The following ATP8B4 variants were observed in gnomAD, a reference collection of about 807,000 sequenced individuals.
ATP8B4 encodes the protein probable phospholipid-transporting ATPase IM.
In ATP8B4, 133 loss-of-function variants were observed where a neutral mutation model predicts 145.6. The observed-to-expected ratio is 0.91, with a 90% CI of 0.79 to 1.05. ATP8B4 has a LOEUF of 1.05. ATP8B4 is among the 50% of genes least tolerant of loss of function. The pLI, the probability that ATP8B4 is intolerant of heterozygous loss-of-function variation, is 0.00. For synonymous variants in ATP8B4, 507 were observed against 492.9 expected, an observed-to-expected ratio of 1.03 and a Z score of -0.38; for missense variants, 1,458 against 1,425.2, an observed-to-expected ratio of 1.02 and a Z score of -0.37.
Position 50,047,387 on chromosome 15 carries a change from C to T in ATP8B4, c.165G>A (p.Val55=). 1 of 1,594,866 alleles carries T rather than the reference C, an allele frequency of 6.3e-7. No homozygotes were observed. Residue 55 remains valine (V), a synonymous_variant, in exon 4 of 28, where the codon GTG becomes GTA. Coordinates refer to ENST00000284509, the MANE Select transcript of ATP8B4 (RefSeq NM_024837.4). ...PINLFEQFQR[V]ANAYFLCLLI... is the part of the protein sequence containing the mutation. ...GAAGGCAAAGAAAATAGGCATTTGCCACTCTTTGGAACTGTTCAAATAAAT... is the reference window on the plus strand; with the variant it reads ...GAAGGCAAAGAAAATAGGCATTTGCTACTCTTTGGAACTGTTCAAATAAAT...
chr15:50,007,747 G>A (rs532045768), intron 7 of ATP8B4, among the ~76,000 whole-genome samples: 1 of 152,226 alleles, frequency 6.6e-6, no homozygotes, highest in Admixed American at 6.5e-5. Flanking sequence ...GCCCCTGCCA[G>A]CTGATACCAG....
chr15:50,114,218 G>A (rs573132678), intron 1 of ATP8B4, among the ~76,000 whole-genome samples: 1 of 143,296 alleles, frequency 7.0e-6, no homozygotes, highest in African/African-American at 2.6e-5. Flanking sequence ...CATCACATGA[G>A]TAGTATACAC....
At chr15:49,988,348 A>C (rs1309829235) in intron 9 of ATP8B4, among the ~76,000 whole-genome samples, 4 of 152,200 alleles carry the variant, frequency 2.6e-5, no homozygotes, top group African/African-American at 7.2e-5. Flanking sequence ...ACAAAACATA[A>C]CTATTAGATT....
At chr15:50,102,854 A>T (rs556733476) in intron 2 of ATP8B4, among the ~76,000 whole-genome samples, 1 of 152,166 alleles carries the variant, frequency 6.6e-6, no homozygotes, top group Non-Finnish European at 1.5e-5. Flanking sequence ...ACAAAATACC[A>T]GCTAACCAAA....
intron 4 of ATP8B4, among the ~76,000 whole-genome samples, chr15:50,046,255 TTCTC>T (rs943631842): frequency 1.2e-4 from 18 of 151,988 alleles, no homozygotes; most frequent in African/African-American, 4.3e-4. Context: ...TTCATTCGTT[TTCTC>T]TCTCTCTCTT....
In ATP8B4 at chr15:50,093,917, T is replaced by G. The variant is rs558599637; in HGVS notation, c.28+13022A>C. Reference sequence around the variant, plus strand: ...GAGTCATCCCATAGTAACAAAAGATTGATCTTCCAGGACTATACAACAACT... The same window carrying G: ...GAGTCATCCCATAGTAACAAAAGATGGATCTTCCAGGACTATACAACAACT... On this transcript the variant is annotated intron_variant, in intron 2 of 27. Transcript: ENST00000284509. Among the ~76,000 whole-genome samples, 3 of 152,282 alleles carry G rather than the reference T, an allele frequency of 2.0e-5. No individual in the cohort carries two copies. In the South Asian group the frequency reaches 6.2e-4, roughly 32 times the overall value.
At position 50,010,925 on chromosome 15, in the gene ATP8B4, C is replaced by A; in HGVS notation, c.363-8G>T. ...CATTTTTCATTCTGCAGTCTAAAAA[C>A]AAAAATAAAATTAATTTTCTTCAAG... On this transcript the variant is annotated splice_region_variant and splice_polypyrimidine_tract_variant and intron_variant, in intron 6 of 27. Transcript: ENST00000284509. The A allele has an allele frequency of 1.3e-6, 2 of 1,518,806 alleles. No homozygotes were observed. Among genetic ancestry groups the A allele is most frequent in the Non-Finnish European group, 1.8e-6 (2 of 1,128,000 alleles). 94.1% of individuals were successfully genotyped at this position (1,518,806 alleles called of 1,614,324 possible).
chr15:49,960,633 G>A (rs1461668057), intron 14 of ATP8B4, among the ~76,000 whole-genome samples: 6 of 152,116 alleles, frequency 3.9e-5, no homozygotes, highest in Admixed American at 2.0e-4. Context: ...CTCAGTGATG[G>A]AGGAAAAAGT....
At chr15:49,961,903 A>T (rs1176579733) in intron 14 of ATP8B4, 74 bp downstream of exon 14, 5 of 1,306,724 alleles carry the variant, frequency 3.8e-6, no homozygotes, top group South Asian at 1.4e-5. Context: ...CAGGACACTA[A>T]AAGTTTATCA....
rs183568551 is a variant in ATP8B4 at position 50,016,594 on chromosome 15, C to G, written c.363-5677G>C. ...GCCACAGCCAAGACCACGGAGAGCT[C>G]TGGAGCTCTGGAGCTGGAACAGGCC... On this transcript the variant is annotated intron_variant, in intron 6 of 27. Transcript: ENST00000284509. 1.2e-3 allele frequency among the ~76,000 whole-genome samples: 188 copies of G among 152,176 alleles called. 2 individuals carry two copies. The East Asian group carries it at 0.022, about 18-fold the overall frequency.
chr15:49,965,343 CAA>C (rs952278168), intron 13 of ATP8B4, among the ~76,000 whole-genome samples: 4 of 152,182 alleles, frequency 2.6e-5, no homozygotes, highest in African/African-American at 9.7e-5. Flanking sequence ...CATCAGGGGA[CAA>C]AGGAAAAGTT....
intron 2 of ATP8B4, among the ~76,000 whole-genome samples, chr15:50,102,822 A>T (rs1021004318): frequency 6.6e-6 from 1 of 151,922 alleles, no homozygotes; most frequent in African/African-American, 2.4e-5. Context: ...ATCCTTTATG[A>T]ATATAGATGT....
At chr15:50,082,071 C>A (rs1004217399) in intron 2 of ATP8B4, among the ~76,000 whole-genome samples, 3 of 152,176 alleles carry the variant, frequency 2.0e-5, no homozygotes, top group African/African-American at 7.2e-5. Flanking sequence ...GAAAAATTTC[C>A]TCAAGCTAAA....
intron 2 of ATP8B4, among the ~76,000 whole-genome samples, chr15:50,090,329 C>A (rs769071818): frequency 6.6e-5 from 10 of 152,228 alleles, no homozygotes; most frequent in Non-Finnish European, 1.3e-4. Context: ...ATGTAACAAA[C>A]CTGCACATCC....
At chr15:49,925,450 T>C (rs1299532940) in intron 16 of ATP8B4, among the ~76,000 whole-genome samples, 17 of 152,152 alleles carry the variant, frequency 1.1e-4, no homozygotes, top group Non-Finnish European at 8.8e-5. Flanking sequence ...ATAATAGTGA[T>C]ATTATAATGA....
chr15:50,009,815 G>A (rs937033401), intron 7 of ATP8B4: 13 of 366,028 alleles, frequency 3.6e-5, no homozygotes, highest in East Asian at 2.5e-4. Flanking sequence ...TTTGGCTGCC[G>A]ACACCTTTGT....
At chr15:50,003,221 A>G (rs2048036639) in intron 7 of ATP8B4, among the ~76,000 whole-genome samples, 2 of 150,992 alleles carry the variant, frequency 1.3e-5, no homozygotes, top group Non-Finnish European at 2.9e-5. Context: ...GAATCAACTT[A>G]CTTTCTTGAT....
chr15:50,143,448 G>C (rs967211909), intron 1 of ATP8B4, among the ~76,000 whole-genome samples: 25 of 152,236 alleles, frequency 1.6e-4, no homozygotes, highest in Non-Finnish European at 1.5e-5. Context: ...AGCTGCTTTA[G>C]TGTCCTCATA....
rs1454515822 is a variant in ATP8B4 at position 49,876,720 on chromosome 15, A to C, written c.2782-197T>G. On this transcript the variant is annotated intron_variant, in intron 24 of 27. Transcript: ENST00000284509. The stretch of plus-strand genomic sequence containing the variant: ...TAATAAAATGATCTCTACTTTACAG[A>C]GAAGGAGCTTGAGTCTCCAAGAGAG... 3 of 833,790 alleles carry C rather than the reference A, an allele frequency of 3.6e-6. No individual in the cohort carries two copies. The East Asian group carries it at 8.3e-5, about 23-fold the overall frequency. 51.6% of individuals were successfully genotyped at this position (833,790 alleles called of 1,614,324 possible). A position where few individuals can be genotyped will look rare whatever the true frequency, so the allele number is the denominator to read the frequency against.
Sources: allele counts gnomAD v4.1 joint callset (sites outside exome capture counted in the v4.1 genomes callset), GRCh38; gene constraint gnomAD v4.1.1; transcripts MANE v1.5; gene names NCBI Gene and HGNC (gene_info 2026-07-23, HGNC 2026-07-21).